The following SMARCA4 variants were observed in gnomAD, a reference collection of about 807,000 sequenced individuals.
SMARCA4 encodes the protein SWI/SNF-related matrix-associated actin-dependent regulator of chromatin subfamily A member 4.
In SMARCA4, 31 loss-of-function variants were observed where a neutral mutation model predicts 193.9. The observed-to-expected ratio is 0.16, with a 90% CI of 0.12 to 0.22. SMARCA4 has a LOEUF of 0.22. SMARCA4 is among the 10% of genes least tolerant of loss of function. The pLI is 1.00. For missense variants in SMARCA4, 1,148 were observed against 2,296.0 expected, an observed-to-expected ratio of 0.50 and a Z score of 10.22; for synonymous variants, 942 against 933.1, an observed-to-expected ratio of 1.01 and a Z score of -0.17.
rs909660777 is a variant in SMARCA4 at position 11,034,554 on chromosome 19, C to T, written c.3951+354C>T. 2.6e-5 allele frequency among the ~76,000 whole-genome samples: 4 copies of T among 152,204 alleles called. No homozygotes were observed. Among genetic ancestry groups the T allele is most frequent in the Admixed American group, 6.5e-5 (1 of 15,288 alleles). On this transcript the variant is annotated intron_variant, in intron 28 of 34. Transcript: ENST00000344626. The surrounding 1 kb of genome is among the most constrained non-coding windows in gnomAD (Gnocchi z 7.0). ...GGCCTTCAGTCGCAGAGCCCCCTTG[C>T]CCCTGGGTGGGAAACAGGAAATAAG...
At chr19:10,965,322 C>T (rs1024558385) in intron 1 of SMARCA4, 1 of 152,208 alleles carries the variant, frequency 6.6e-6, no homozygotes, top group Non-Finnish European at 1.5e-5. Flanking sequence ...AGGATTGCTG[C>T]AAGAGCTGAA....
intron 1 of SMARCA4, among the ~76,000 whole-genome samples, chr19:10,966,479 C>T (rs1291741197): frequency 6.6e-6 from 1 of 151,816 alleles, no homozygotes; most frequent in Non-Finnish European, 1.5e-5. Context: ...GTAGTCCCAG[C>T]TACTTGGGAG....
Position 11,033,832 on chromosome 19 carries a change from C to T in SMARCA4, c.3840C>T (p.Gly1280=), listed in dbSNP as rs1260250073. 1 of 779,628 alleles carries T rather than the reference C, an allele frequency of 1.3e-6. No individual in the cohort carries two copies. The allele number at this position is 779,628 out of a possible 1,614,324, so 48.3% of individuals were successfully genotyped here. A position where few individuals can be genotyped will look rare whatever the true frequency, so the allele number is the denominator to read the frequency against. ...CCCACACTGCCCCTCCGCCAGCGGG[C>T]GTCAACCCCGACTTGGAGGAGCCAC... The part of the protein sequence containing the change: ...SFAHTAPPPA[G]VNPDLEEPPL... Residue 1280 remains glycine (G), a synonymous_variant, in exon 27 of 35, where the codon GGC becomes GGT. Coordinates refer to ENST00000344626, the MANE Select transcript of SMARCA4 (RefSeq NM_003072.5). This position sits in a 1 kb window ranked among gnomAD's most constrained non-coding sequence, Gnocchi z 9.8.
At chr19:10,969,437 T>C (rs1317099638) in intron 1 of SMARCA4, among the ~76,000 whole-genome samples, 3 of 151,870 alleles carry the variant, frequency 2.0e-5, no homozygotes, top group Non-Finnish European at 1.5e-5. Flanking sequence ...TTCTTTTTTT[T>C]TTCTTTTTTT....
At position 11,019,761 on chromosome 19, in the gene SMARCA4, C is replaced by G. The variant is rs748243798; in HGVS notation, c.2616+60C>G. On this transcript the variant is annotated intron_variant, in intron 18 of 34. Transcript: ENST00000344626. The surrounding 1 kb of genome is among the most constrained non-coding windows in gnomAD (Gnocchi z 6.1). ...GCCGAGTGCTCACACGTGGGTCACG[C>G]TGCCCGTCTCCTCCAAAGCCCCTAC... 8.7e-7 allele frequency: 1 copy of G among 1,151,988 alleles called. No homozygotes were observed. Among genetic ancestry groups the G allele is most frequent in the East Asian group, 2.4e-5 (1 of 41,590 alleles). 71.4% of individuals were successfully genotyped at this position (1,151,988 alleles called of 1,614,324 possible).
At chr19:11,059,030 T>G (rs2076707046) in intron 32 of SMARCA4, 141 bp downstream of exon 32, 1 of 694,416 alleles carries the variant, frequency 1.4e-6, no homozygotes, top group African/African-American at 1.8e-5. Flanking sequence ...ATCCCAGCAC[T>G]TTGGGAGGCC....
chr19:11,002,940 G>A (rs1312812746), intron 11 of SMARCA4, 89 bp from the exon 12 acceptor site: 3 of 1,476,284 alleles, frequency 2.0e-6, no homozygotes, highest in South Asian at 1.1e-5. Context: ...TGTGCAAACA[G>A]TTGAGTGGGT....
In SMARCA4 at chr19:10,982,583, G is replaced by A. The variant is rs373937799; in HGVS notation, c.-31-1538G>A. Among the ~76,000 whole-genome samples the A allele has an allele frequency of 6.0e-4, 90 of 151,038 alleles. No individual in the cohort carries two copies. In the South Asian group the frequency reaches 0.017, roughly 29 times the overall value. On this transcript the variant is annotated intron_variant, in intron 1 of 34. Transcript: ENST00000344626. ...GGCACGATCTCGGCTCACTGCAAGC[G>A]CCGCCTCCTGGGTTCACACCATTCT...
rs779390573 is a variant in SMARCA4, at chr19:10,987,647, G to T, written c.860-19G>T. The stretch of plus-strand genomic sequence containing the variant: ...CCCCAGAGCTCAACATGACGCCCTG[G>T]CCCCTTGCCTTCTCCCAGGACCCAT... On this transcript the variant is annotated intron_variant, in intron 5 of 34. Transcript: ENST00000344626. This position sits in a 1 kb window ranked among gnomAD's most constrained non-coding sequence, Gnocchi z 5.3. The T allele has an allele frequency of 1.5e-4, 244 of 1,612,760 alleles. 1 individual carries two copies. The highest frequency in any genetic ancestry group is 1.9e-4 in the Non-Finnish European group (225 of 1,179,714).
chr19:11,030,565 A>G lies in SMARCA4; in HGVS notation c.3383-165A>G, dbSNP rs1304378584. The stretch of plus-strand genomic sequence containing the variant: ...GTGGTGAAACACTGGAAATCCAGTT[A>G]TTCGCCAGTGGCCCACAGGCCCGTG... On this transcript the variant is annotated intron_variant, in intron 24 of 34. Transcript: ENST00000344626. This position sits in a 1 kb window ranked among gnomAD's most constrained non-coding sequence, Gnocchi z 5.5. Among the ~76,000 whole-genome samples the G allele has an allele frequency of 6.6e-6, 1 of 152,234 alleles. No homozygotes were observed. Among genetic ancestry groups the G allele is most frequent in the Non-Finnish European group, 1.5e-5 (1 of 68,044 alleles).
rs2146679122 is a variant in SMARCA4 at position 11,034,174 on chromosome 19, C to T, written c.3925C>T (p.His1309Tyr). The T allele has an allele frequency of 6.2e-7, 1 of 1,613,840 alleles. No individual in the cohort carries two copies. Among genetic ancestry groups the T allele is most frequent in the South Asian group, 1.1e-5 (1 of 91,088 alleles). The change falls in exon 28 of 35, where the codon CAC becomes TAC. Residue 1309 changes from histidine (H) to tyrosine (Y), a missense_variant. Coordinates refer to ENST00000344626, the MANE Select transcript of SMARCA4 (RefSeq NM_003072.5). The surrounding 1 kb of genome is among the most constrained non-coding windows in gnomAD (Gnocchi z 7.0). ...GACCGTCAACCAGATGATCGCCCGG[C>T]ACGAGGAGGAGTTTGATCTGTTCAT... ...DETVNQMIAR[H>Y]EEEFDLFMRM...
chr19:11,010,011 A>G (rs577598745), intron 14 of SMARCA4, among the ~76,000 whole-genome samples: 20 of 152,036 alleles, frequency 1.3e-4, no homozygotes, highest in African/African-American at 4.6e-4. Flanking sequence ...TTTGTAGTAG[A>G]GATGGGGTTT....
chr19:11,036,989 C>G (rs1449231215), intron 29 of SMARCA4, among the ~76,000 whole-genome samples: 1 of 152,208 alleles, frequency 6.6e-6, no homozygotes, highest in Admixed American at 6.5e-5. Context: ...GTGAAATAAT[C>G]CTGCCTCGTA....
chr19:10,997,023 G>A lies in SMARCA4; in HGVS notation c.1812+479G>A, dbSNP rs567722555. ...GTTATGCCCCACCACACCCAGCTAA[G>A]TTGTTTTTTTTTTTGAGATGGAGTT... is the stretch of plus-strand genomic sequence containing the variant. On this transcript the variant is annotated intron_variant, in intron 11 of 34. Transcript: ENST00000344626. Among the ~76,000 whole-genome samples, 3 of 150,964 alleles carry A rather than the reference G, an allele frequency of 2.0e-5. No homozygotes were observed. The South Asian group carries it at 6.3e-4, about 32-fold the overall frequency.
chr19:10,996,636 C>T (rs1007408604), intron 11 of SMARCA4, 92 bp downstream of exon 11: 15 of 1,225,666 alleles, frequency 1.2e-5, no homozygotes, highest in Middle Eastern at 2.0e-4. Context: ...TTTAAAATTA[C>T]GAACAATGAT....
At chr19:11,044,314 T>C (rs1211884259) in intron 30 of SMARCA4, among the ~76,000 whole-genome samples, 1 of 152,210 alleles carries the variant, frequency 6.6e-6, no homozygotes, top group Non-Finnish European at 1.5e-5. Flanking sequence ...AGGCATCGAT[T>C]TCTTCCACGG....
Position 10,987,530 on chromosome 19 carries a change from A to G in SMARCA4, c.860-136A>G. The G allele has an allele frequency of 1.0e-6, 1 of 963,238 alleles. No individual in the cohort carries two copies. The highest frequency in any genetic ancestry group is 2.6e-5 in the East Asian group (1 of 39,092). The allele number at this position is 963,238 out of a possible 1,614,324, so 59.7% of individuals were successfully genotyped here. On this transcript the variant is annotated intron_variant, in intron 5 of 34. Coordinates refer to ENST00000344626, the MANE Select transcript of SMARCA4 (RefSeq NM_003072.5). This position sits in a 1 kb window ranked among gnomAD's most constrained non-coding sequence, Gnocchi z 5.3. ...GGAGCCCAAGGCAGGTGTGAAGGAC[A>G]CCCCTGGGTGAAAGGTGGGAGATGG...
chr19:11,027,900 T>C lies in SMARCA4; in HGVS notation c.3332T>C (p.Ile1111Thr), dbSNP rs1238838721. 2 of 1,614,166 alleles carry C rather than the reference T, an allele frequency of 1.2e-6. No homozygotes were observed. Reference protein sequence around the residue: ...LFCQMTSLMTIMEDYFAYRGF... With the variant: ...LFCQMTSLMTTMEDYFAYRGF... Reference sequence around the variant, plus strand: ...TGCCAAATGACCTCCCTCATGACCATCATGGAAGATTACTTTGCGTATCGC... The same window carrying C: ...TGCCAAATGACCTCCCTCATGACCACCATGGAAGATTACTTTGCGTATCGC... Residue 1111 changes from isoleucine to threonine, a missense_variant, in exon 24 of 35, where the codon ATC (isoleucine) becomes ACC (threonine). Physicochemically the swap from Ile to Thr is moderately conservative, Grantham distance 89. Coordinates refer to ENST00000344626, the MANE Select transcript of SMARCA4 (RefSeq NM_003072.5).
intron 1 of SMARCA4, among the ~76,000 whole-genome samples, chr19:10,963,309 G>C (rs766853686): frequency 6.7e-6 from 1 of 149,506 alleles, no homozygotes; most frequent in Non-Finnish European, 1.5e-5. Context: ...AGAGGTGGAG[G>C]CTGCAGTGAG....
Sources: gnomAD v4.1 joint callset for allele counts (sites outside exome capture counted in the v4.1 genomes callset) on GRCh38, gnomAD v4.1.1 for gene constraint, Gnocchi (gnomAD v3.1) non-coding constraint, MANE v1.5 for transcripts, NCBI Gene and HGNC (gene_info 2026-07-23, HGNC 2026-07-21) for gene names.